The following ARNT variants were observed in gnomAD, a reference collection of about 807,000 sequenced individuals.
ARNT encodes the protein class E basic helix-loop-helix protein 2.
A neutral mutation model predicts 105.0 loss-of-function variants in ARNT; 30 were observed. The observed-to-expected ratio is 0.29, with a 90% CI of 0.21 to 0.39. The LOEUF (loss-of-function observed/expected upper bound fraction) is 0.39. Among genes scored for constraint, ARNT ranks in the 10% least tolerant of loss-of-function variants. ARNT has a pLI of 1.00. For synonymous variants in ARNT, 304 were observed against 344.0 expected (o/e 0.88, Z 1.29); for missense variants, 748 against 978.7 (o/e 0.76, Z 3.15).
chr1:150,851,491 G>C (rs1225245985), intron 3 of ARNT, among the ~76,000 whole-genome samples: 1 of 151,616 alleles, frequency 6.6e-6, no homozygotes, highest in Non-Finnish European at 1.5e-5. Flanking sequence ...AGACATAGGA[G>C]ACTCTATTTT....
chr1:150,843,348 A>AT (rs1205928750), intron 4 of ARNT, among the ~76,000 whole-genome samples: 1 of 152,226 alleles, frequency 6.6e-6, no homozygotes, highest in Non-Finnish European at 1.5e-5. Context: ...TGTCAATTCC[A>AT]TTTTAAATAT....
At chr1:150,830,420 G>A (rs1375943698) in intron 10 of ARNT, 1 of 154,860 alleles carries the variant, frequency 6.5e-6, no homozygotes, top group Non-Finnish European at 1.4e-5. Flanking sequence ...TAAAGCAATA[G>A]AGAATGATAA....
At chr1:150,862,292 G>C (rs1665777403) in intron 1 of ARNT, among the ~76,000 whole-genome samples, 1 of 152,060 alleles carries the variant, frequency 6.6e-6, no homozygotes, top group South Asian at 2.1e-4. Flanking sequence ...CTGGGCCTAA[G>C]GGTAGACACA....
Position 150,864,773 on chromosome 1 carries a change from T to TA in ARNT, c.26-6314dup, listed in dbSNP as rs1208666006. On this transcript the variant is annotated intron_variant, in intron 1 of 21. Transcript: ENST00000358595. ...AACTTAAAGTATAATAAAAAATAAA[T>TA]AAATAAATAAATAAATAAATAAAAG... is the stretch of plus-strand genomic sequence containing the variant. Among the ~76,000 whole-genome samples, 101 of 127,958 alleles carry TA rather than the reference T, an allele frequency of 7.9e-4. 2 individuals carry two copies. The highest frequency in any genetic ancestry group is 2.6e-3 in the African/African-American group (96 of 36,542). 83.9% of individuals were successfully genotyped at this position (127,958 alleles called of 152,430 possible).
At chr1:150,835,620 A>G (rs1359003497) in intron 7 of ARNT, among the ~76,000 whole-genome samples, 1 of 152,166 alleles carries the variant, frequency 6.6e-6, no homozygotes, top group African/African-American at 2.4e-5. Flanking sequence ...GGAAAAAAGG[A>G]GGAAAACTAA....
intron 5 of ARNT, among the ~76,000 whole-genome samples, chr1:150,840,856 G>C (rs757612737): frequency 7.9e-5 from 12 of 151,852 alleles, no homozygotes; most frequent in Non-Finnish European, 1.8e-4. Flanking sequence ...AAGTTTCTCA[G>C]TGTCCTCCAT....
chr1:150,811,473 C>CACACACACAT lies in ARNT; in HGVS notation c.*547_*548insATGTGTGTGT, dbSNP rs1553199531. 0.043 allele frequency: 10,078 copies of CACACACACAT among 233,002 alleles called. 946 individuals are homozygous for CACACACACAT. The highest frequency in any genetic ancestry group is 0.21 in the African/African-American group (9,279 of 45,004). 14.4% of individuals were successfully genotyped at this position (233,002 alleles called of 1,614,324 possible). On this transcript the variant is annotated 3_prime_UTR_variant, in exon 22 of 22. Transcript: ENST00000358595. ...GCATGTGTGCGCACACACACACACACACACATACACACACACTCTCTCTCA... is the reference window on the plus strand; with the variant it reads ...GCATGTGTGCGCACACACACACACACACACACACATACACATACACACACACTCTCTCTCA...
intron 2 of ARNT, chr1:150,853,281 CAA>C (rs762446224): frequency 6.8e-4 from 209 of 308,876 alleles, no homozygotes; most frequent in South Asian, 9.4e-4. Context: ...GACTCCATCT[CAA>C]AAAAAAAAAG....
rs587764658 is a variant in ARNT, at chr1:150,842,526, G to A, written c.228-58C>T. 77 of 1,507,290 alleles carry A rather than the reference G, an allele frequency of 5.1e-5. 1 individual carries two copies. The African/African-American group carries it at 1.0e-3, about 20-fold the overall frequency. The allele number at this position is 1,507,290 out of a possible 1,614,324, so 93.4% of individuals were successfully genotyped here. ...TAAAATAAAAAAGAAGGAAGGAAGGGGGGAGGGAGGAAGGGAAAAAAGGAA... is the reference window on the plus strand; with the variant it reads ...TAAAATAAAAAAGAAGGAAGGAAGGAGGGAGGGAGGAAGGGAAAAAAGGAA... On this transcript the variant is annotated intron_variant, in intron 4 of 21. Transcript: ENST00000358595.
chr1:150,868,230 G>C (rs1379097330), intron 1 of ARNT, among the ~76,000 whole-genome samples: 1 of 152,002 alleles, frequency 6.6e-6, no homozygotes, highest in Non-Finnish European at 1.5e-5. Flanking sequence ...AGAGGTGGGA[G>C]GATCATTTGA....
intron 14 of ARNT, among the ~76,000 whole-genome samples, chr1:150,818,597 C>T (rs2101634916): frequency 6.6e-6 from 1 of 152,126 alleles, no homozygotes; most frequent in South Asian, 2.1e-4. Flanking sequence ...ACAAAAAATA[C>T]AAAAATTAGC....
chr1:150,823,200 T>A lies in ARNT; in HGVS notation c.1388A>T (p.Asn463Ile). ...EIEYIICTNTNVKNSSQEPRP... is the reference protein window; with the variant it reads ...EIEYIICTNTIVKNSSQEPRP... ...ACTCCTGTATAATACATACTTCACA[T>A]TGGTGTTGGTACAGATGATGTACTC... The change falls in exon 14 of 22, where the codon AAT (asparagine) becomes ATT (isoleucine). Residue 463 changes from asparagine (N) to isoleucine (I), a missense_variant. By Grantham distance (149) the Asn-to-Ile change is moderately radical. Coordinates refer to ENST00000358595, the MANE Select transcript of ARNT (RefSeq NM_001668.4). 1.2e-6 allele frequency: 2 copies of A among 1,604,824 alleles called. No individual in the cohort carries two copies. The highest frequency in any genetic ancestry group is 2.2e-5 in the South Asian group (2 of 89,694).
intron 1 of ARNT, among the ~76,000 whole-genome samples, chr1:150,875,190 T>G (rs1221625297): frequency 6.6e-6 from 1 of 152,204 alleles, no homozygotes; most frequent in South Asian, 2.1e-4. Flanking sequence ...TCCTGTTTTA[T>G]AGTTTTATTC....
chr1:150,873,059 C>T (rs1003779576), intron 1 of ARNT, among the ~76,000 whole-genome samples: 2 of 151,646 alleles, frequency 1.3e-5, no homozygotes, highest in Non-Finnish European at 2.9e-5. Context: ...CCGAGGCAGG[C>T]GGATCACAAG....
chr1:150,856,369 G>A (rs1664613027), intron 2 of ARNT, among the ~76,000 whole-genome samples: 1 of 152,116 alleles, frequency 6.6e-6, no homozygotes, highest in East Asian at 1.9e-4. Context: ...GAACCTGGGA[G>A]GTGGAGGTTA....
At chr1:150,826,653 T>C (rs950312081) in intron 12 of ARNT, 36 bp from the exon 13 acceptor site, 6 of 1,510,974 alleles carry the variant, frequency 4.0e-6, no homozygotes, top group Non-Finnish European at 4.5e-6. Flanking sequence ...TATATACTTT[T>C]TTTTTTTTAA....
intron 15 of ARNT, 94 bp from the exon 16 acceptor site, chr1:150,817,527 G>T: frequency 8.1e-7 from 1 of 1,232,320 alleles, no homozygotes; most frequent in African/African-American, 1.5e-5. Context: ...AATTAAACAG[G>T]CCGGGCATGG....
intron 1 of ARNT, among the ~76,000 whole-genome samples, chr1:150,872,884 C>T (rs1667674540): frequency 6.6e-6 from 1 of 152,098 alleles, no homozygotes; most frequent in Non-Finnish European, 1.5e-5. Context: ...ATCACATGCT[C>T]CCAGAAGGTC....
intron 6 of ARNT, among the ~76,000 whole-genome samples, chr1:150,838,707 GATC>G (rs1370427211): frequency 3.3e-5 from 5 of 152,152 alleles, no homozygotes; most frequent in African/African-American, 1.2e-4. Flanking sequence ...TTTCTGCAAT[GATC>G]ATGTTATTTT....
Sources: allele counts gnomAD v4.1 joint callset (sites outside exome capture counted in the v4.1 genomes callset), GRCh38; gene constraint gnomAD v4.1.1; transcripts MANE v1.5; gene names NCBI Gene and HGNC (gene_info 2026-07-23, HGNC 2026-07-21).